Variants in MAMDC2 observed in about 807,000 individuals in gnomAD.
The protein encoded by MAMDC2 is MAM domain-containing protein 2.
MAMDC2 carries 57 observed loss-of-function variants against 89.8 expected under a neutral mutation model. The observed-to-expected ratio is 0.63, with a 90% confidence interval of 0.51 to 0.79. The LOEUF is 0.79. MAMDC2 is among the 30% of genes least tolerant of loss of function. The pLI is 0.00. For missense variants in MAMDC2, 800 were observed against 820.6 expected (o/e 0.97, Z 0.31); for synonymous variants, 313 against 293.4 (o/e 1.07, Z -0.68).
At chr9:70,201,936 T>C (rs1469323800) in intron 11 of MAMDC2, among the ~76,000 whole-genome samples, 5 of 147,778 alleles carry the variant, frequency 3.4e-5, no homozygotes, top group Admixed American at 2.0e-4. Context: ...TATTTGATTC[T>C]TCTCTCTTTT....
At chr9:70,159,578 G>A (rs188660824) in intron 9 of MAMDC2, among the ~76,000 whole-genome samples, 81 of 152,284 alleles carry the variant, frequency 5.3e-4, no homozygotes, top group African/African-American at 1.9e-3. Flanking sequence ...AGGCCCAGGA[G>A]GGGTTCATCT....
chr9:70,105,536 C>G (rs991462151), intron 2 of MAMDC2, among the ~76,000 whole-genome samples: 1 of 152,028 alleles, frequency 6.6e-6, no homozygotes, highest in Non-Finnish European at 1.5e-5. Flanking sequence ...CTAAGAGGCA[C>G]GTTCACATGG....
At chr9:70,205,282 T>C (rs1308240859) in intron 11 of MAMDC2, among the ~76,000 whole-genome samples, 3 of 152,212 alleles carry the variant, frequency 2.0e-5, no homozygotes, top group Non-Finnish European at 4.4e-5. Context: ...GAGCTTTTTT[T>C]TCATTTCCCA....
chr9:70,052,882 A>G (rs191128941), intron 2 of MAMDC2, among the ~76,000 whole-genome samples: 3 of 152,334 alleles, frequency 2.0e-5, no homozygotes, highest in Admixed American at 6.5e-5. Context: ...TCACCAGTAC[A>G]TGGCCTGTTT....
intron 11 of MAMDC2, among the ~76,000 whole-genome samples, chr9:70,212,191 G>A (rs1321447479): frequency 7.2e-5 from 11 of 152,224 alleles, no homozygotes; most frequent in African/African-American, 2.7e-4. Flanking sequence ...AGAAGTTTCT[G>A]CTGCCTTTTG....
At chr9:70,084,689 T>C (rs975169343) in intron 2 of MAMDC2, among the ~76,000 whole-genome samples, 2 of 152,160 alleles carry the variant, frequency 1.3e-5, no homozygotes, top group African/African-American at 2.4e-5. Context: ...CCATTTGGAA[T>C]GAGCTTGGCT....
intron 11 of MAMDC2, among the ~76,000 whole-genome samples, chr9:70,184,247 T>C (rs2032702293): frequency 6.6e-6 from 1 of 152,210 alleles, no homozygotes; most frequent in African/African-American, 2.4e-5. Context: ...TGCAGAGAGA[T>C]CCACTGTTAG....
chr9:70,122,770 AT>A (rs899098702), intron 5 of MAMDC2, among the ~76,000 whole-genome samples: 61 of 152,082 alleles, frequency 4.0e-4, no homozygotes, highest in Middle Eastern at 3.4e-3. Context: ...ATTTATTTTT[AT>A]TTTTTTTATG....
At position 70,081,664 on chromosome 9, in the gene MAMDC2, C is replaced by T. The variant is rs996735689; in HGVS notation, c.149-26547C>T. The T allele has an allele frequency of 1.3e-5, 2 of 152,104 alleles. 1 individual carries two copies. The highest frequency in any genetic ancestry group is 4.8e-5 in the African/African-American group (2 of 41,422). 9.4% of individuals were successfully genotyped at this position (152,104 alleles called of 1,614,324 possible). ...AACTGCCTTACAAATTCTCAGTCTT[C>T]TCCAGACTTCTCTGAAGAACTCAAG... On this transcript the variant is annotated intron_variant, in intron 2 of 13. Coordinates refer to ENST00000377182, the MANE Select transcript of MAMDC2 (RefSeq NM_153267.5).
At chr9:70,102,920 C>T (rs1348693616) in intron 2 of MAMDC2, among the ~76,000 whole-genome samples, 1 of 152,212 alleles carries the variant, frequency 6.6e-6, no homozygotes, top group Non-Finnish European at 1.5e-5. Context: ...TCCCAATCCC[C>T]CTGTGATTTC....
intron 2 of MAMDC2, among the ~76,000 whole-genome samples, chr9:70,095,497 A>T (rs1031929708): frequency 4.6e-5 from 7 of 152,210 alleles, no homozygotes; most frequent in African/African-American, 1.7e-4. Context: ...AGGGAGATGG[A>T]GGAATCAATG....
intron 11 of MAMDC2, among the ~76,000 whole-genome samples, chr9:70,212,914 A>T (rs756786997): frequency 4.6e-5 from 7 of 152,190 alleles, no homozygotes; most frequent in Non-Finnish European, 8.8e-5. Flanking sequence ...CAAAGAACAG[A>T]TGGTTAGAGG....
chr9:70,173,525 A>G (rs1435316351), intron 11 of MAMDC2, among the ~76,000 whole-genome samples: 1 of 152,190 alleles, frequency 6.6e-6, no homozygotes, highest in Admixed American at 6.5e-5. Context: ...TCAAGAATGA[A>G]TCAGTTTTAG....
intron 5 of MAMDC2, among the ~76,000 whole-genome samples, chr9:70,120,269 C>G (rs1166688103): frequency 6.6e-6 from 1 of 152,170 alleles, no homozygotes; most frequent in Non-Finnish European, 1.5e-5. Context: ...CACACACACT[C>G]CAGTATCACT....
intron 12 of MAMDC2, among the ~76,000 whole-genome samples, chr9:70,223,089 A>G (rs928783699): frequency 6.8e-6 from 1 of 146,130 alleles, no homozygotes; most frequent in Admixed American, 7.0e-5. Context: ...CAGTGAGCTG[A>G]TATCGCATCA....
At chr9:70,122,956 C>T (rs2030353192) in intron 5 of MAMDC2, among the ~76,000 whole-genome samples, 1 of 152,086 alleles carries the variant, frequency 6.6e-6, no homozygotes, top group Non-Finnish European at 1.5e-5. Flanking sequence ...TGCCTGGGAG[C>T]AGCCCAGAGT....
intron 11 of MAMDC2, among the ~76,000 whole-genome samples, chr9:70,199,985 C>A (rs1008579154): frequency 6.6e-5 from 10 of 152,136 alleles, no homozygotes; most frequent in South Asian, 2.1e-4. Context: ...CGAAAATTTT[C>A]TCCCATTTTG....
chr9:70,147,094 A>G (rs1436920578), intron 9 of MAMDC2, among the ~76,000 whole-genome samples: 1 of 149,496 alleles, frequency 6.7e-6, no homozygotes, highest in Admixed American at 6.7e-5. Context: ...CATCTCCACT[A>G]AAAATACAAA....
intron 2 of MAMDC2, chr9:70,082,796 G>A (rs1171520246): frequency 6.6e-6 from 1 of 152,116 alleles, no homozygotes; most frequent in Non-Finnish European, 1.5e-5. Flanking sequence ...AATCATGGAA[G>A]TTACTTGCCT....
Sources: gnomAD v4.1 joint callset for allele counts (sites outside exome capture counted in the v4.1 genomes callset) on GRCh38, gnomAD v4.1.1 for gene constraint, MANE v1.5 for transcripts, NCBI Gene and HGNC (gene_info 2026-07-23, HGNC 2026-07-21) for gene names.